The following SLC16A12 variants were observed in gnomAD, a reference collection of about 807,000 sequenced individuals.
SLC16A12 encodes the protein monocarboxylate transporter 12.
A neutral mutation model predicts 42.4 loss-of-function variants in SLC16A12; 17 were observed. The ratio of observed to expected loss-of-function variants is 0.40; its 90% confidence interval spans 0.27 to 0.60. SLC16A12 has a LOEUF of 0.60. Ranked by LOEUF, SLC16A12 falls within the 20% of genes least tolerant of loss-of-function variation. SLC16A12 has a pLI of 0.42. For missense variants in SLC16A12, 544 were observed against 623.0 expected, an observed-to-expected ratio of 0.87 and a Z score of 1.35; for synonymous variants, 224 against 229.4, an observed-to-expected ratio of 0.98 and a Z score of 0.21.
intron 2 of SLC16A12, among the ~76,000 whole-genome samples, chr10:89,481,678 A>AGAGT (rs771386614): frequency 2.5e-3 from 355 of 143,962 alleles, no homozygotes; most frequent in South Asian, 3.3e-3. Flanking sequence ...AGAGAGAGAG[A>AGAGT]GTGTGTGTGT....
At chr10:89,517,669 G>T (rs1429412325) in intron 2 of SLC16A12, among the ~76,000 whole-genome samples, 1 of 152,112 alleles carries the variant, frequency 6.6e-6, no homozygotes, top group Non-Finnish European at 1.5e-5. Context: ...TCCTGTCTGG[G>T]CATCTCTGAG....
At chr10:89,522,690 A>G (rs1253242680) in intron 2 of SLC16A12, among the ~76,000 whole-genome samples, 1 of 152,206 alleles carries the variant, frequency 6.6e-6, no homozygotes, top group Non-Finnish European at 1.5e-5. Flanking sequence ...GCATGATGGT[A>G]CACAGCTTTG....
At chr10:89,512,646 A>G in intron 2 of SLC16A12, among the ~76,000 whole-genome samples, 1 of 152,218 alleles carries the variant, frequency 6.6e-6, no homozygotes, top group East Asian at 1.9e-4. Context: ...CCAGTAAGAG[A>G]GAAGCTTGGG....
At position 89,430,850 on chromosome 10, in the gene SLC16A12, T is replaced by C; in HGVS notation, c.*2214A>G. On this transcript the variant is annotated 3_prime_UTR_variant, in exon 8 of 8. Coordinates refer to ENST00000371790, the MANE Select transcript of SLC16A12 (RefSeq NM_213606.4). The stretch of plus-strand genomic sequence containing the variant: ...CCACATAAACAAAATTTTGTTGTGA[T>C]CATGATAAAAAATATGTATAAGAAT... 1 of 385,164 alleles carries C rather than the reference T, an allele frequency of 2.6e-6. No individual in the cohort carries two copies. The highest frequency in any genetic ancestry group is 5.1e-6 in the Non-Finnish European group (1 of 196,486). The allele number at this position is 385,164 out of a possible 1,614,324, so 23.9% of individuals were successfully genotyped here.
chr10:89,446,733 G>A (rs1002898407), intron 3 of SLC16A12, among the ~76,000 whole-genome samples: 1 of 152,186 alleles, frequency 6.6e-6, no homozygotes, highest in African/African-American at 2.4e-5. Context: ...ACATTGTAAT[G>A]ACAGGATCAA....
chr10:89,434,597 T>C (rs534778611), intron 7 of SLC16A12, among the ~76,000 whole-genome samples: 113 of 152,338 alleles, frequency 7.4e-4, no homozygotes, highest in African/African-American at 2.6e-3. Context: ...TCCACCCCAA[T>C]TGCTGGATTT....
At chr10:89,526,514 G>A (rs1030484548) in intron 2 of SLC16A12, among the ~76,000 whole-genome samples, 7 of 152,162 alleles carry the variant, frequency 4.6e-5, no homozygotes, top group African/African-American at 1.7e-4. Context: ...ACACAGATCC[G>A]CAGTCGTAGC....
chr10:89,476,860 T>C (rs1842588519), intron 2 of SLC16A12, among the ~76,000 whole-genome samples: 1 of 152,224 alleles, frequency 6.6e-6, no homozygotes, highest in Non-Finnish European at 1.5e-5. Context: ...AGGGCTCACC[T>C]ACAGGGCCTG....
chr10:89,552,084 T>C (rs1013796686), intron 2 of SLC16A12, among the ~76,000 whole-genome samples: 1 of 152,066 alleles, frequency 6.6e-6, no homozygotes, highest in African/African-American at 2.4e-5. Context: ...TACAGGTGCG[T>C]GCCACTACAC....
At chr10:89,476,304 A>AT (rs1842578560) in intron 2 of SLC16A12, among the ~76,000 whole-genome samples, 1 of 152,150 alleles carries the variant, frequency 6.6e-6, no homozygotes, top group Non-Finnish European at 1.5e-5. Context: ...CCATACCACG[A>AT]TATTTCCTTC....
chr10:89,507,280 A>G (rs1355976531), intron 2 of SLC16A12, among the ~76,000 whole-genome samples: 5 of 152,146 alleles, frequency 3.3e-5, no homozygotes, highest in African/African-American at 1.2e-4. Flanking sequence ...CATCAGACTC[A>G]CCAAGGTTGA....
chr10:89,430,504 T>G lies in SLC16A12; in HGVS notation c.*2560A>C. 2.5e-6 allele frequency: 1 copy of G among 407,634 alleles called. No individual in the cohort carries two copies. Among genetic ancestry groups the G allele is most frequent in the Non-Finnish European group, 4.8e-6 (1 of 208,630 alleles). 25.3% of individuals were successfully genotyped at this position (407,634 alleles called of 1,614,324 possible). A position where few individuals can be genotyped will look rare whatever the true frequency, so the allele number is the denominator to read the frequency against. Reference sequence around the variant, plus strand: ...AGAAAGAAATATTTAAGATGTAAAATTATCCCACTATAATTTTGTTCTTGA... The same window carrying G: ...AGAAAGAAATATTTAAGATGTAAAAGTATCCCACTATAATTTTGTTCTTGA... On this transcript the variant is annotated 3_prime_UTR_variant, in exon 8 of 8. Coordinates refer to ENST00000371790, the MANE Select transcript of SLC16A12 (RefSeq NM_213606.4).
intron 2 of SLC16A12, among the ~76,000 whole-genome samples, chr10:89,546,062 C>G (rs180947135): frequency 2.6e-4 from 39 of 151,686 alleles, no homozygotes; most frequent in African/African-American, 9.5e-4. Flanking sequence ...AAAGACTTAA[C>G]TGTAAAACCC....
chr10:89,433,584 G>A (rs1025338272), intron 7 of SLC16A12, among the ~76,000 whole-genome samples: 7 of 152,142 alleles, frequency 4.6e-5, no homozygotes, highest in African/African-American at 7.2e-5. Flanking sequence ...TAGTCACAAC[G>A]TAAATATTAG....
At chr10:89,450,066 T>C (rs1412856192) in intron 3 of SLC16A12, among the ~76,000 whole-genome samples, 1 of 152,162 alleles carries the variant, frequency 6.6e-6, no homozygotes, top group Non-Finnish European at 1.5e-5. Flanking sequence ...TGAGATACCA[T>C]CTCACACCAG....
chr10:89,514,466 T>C (rs555839092), intron 2 of SLC16A12, among the ~76,000 whole-genome samples: 1 of 152,218 alleles, frequency 6.6e-6, no homozygotes, highest in Admixed American at 6.5e-5. Flanking sequence ...AGTGCCAGCA[T>C]GCTTGGGTTC....
intron 2 of SLC16A12, among the ~76,000 whole-genome samples, chr10:89,508,159 A>G (rs1843098405): frequency 6.6e-6 from 1 of 152,188 alleles, no homozygotes. Flanking sequence ...TCAATATTAG[A>G]CAGATCAATG....
intron 2 of SLC16A12, among the ~76,000 whole-genome samples, chr10:89,552,769 C>G (rs756106179): frequency 3.3e-5 from 5 of 152,144 alleles, no homozygotes; most frequent in African/African-American, 9.7e-5. Context: ...GAGATGCGAA[C>G]TAAGACTTAG....
intron 2 of SLC16A12, among the ~76,000 whole-genome samples, chr10:89,488,903 C>A (rs529191001): frequency 1.3e-5 from 2 of 152,104 alleles, no homozygotes; most frequent in Admixed American, 1.3e-4. Context: ...AGAAAACTGA[C>A]GTATCAGGAA....
Sources: gnomAD v4.1 joint callset for allele counts (sites outside exome capture counted in the v4.1 genomes callset) on GRCh38, gnomAD v4.1.1 for gene constraint, MANE v1.5 for transcripts, NCBI Gene and HGNC (gene_info 2026-07-23, HGNC 2026-07-21) for gene names.